The following NTNG1 variants were observed in gnomAD, a reference collection of about 807,000 sequenced individuals.
The protein encoded by NTNG1 is netrin G1, also known as netrin-G1.
NTNG1 carries 16 observed loss-of-function variants against 54.0 expected under a neutral mutation model. The observed-to-expected ratio is 0.30, with a 90% CI of 0.20 to 0.45. The LOEUF is 0.45. Ranked by LOEUF, NTNG1 falls within the 20% of genes least tolerant of loss-of-function variation. The pLI, the probability that NTNG1 is intolerant of heterozygous loss-of-function variation, is 1.00. For synonymous variants in NTNG1, 255 were observed against 263.1 expected (o/e 0.97, Z 0.30); for missense variants, 530 against 678.7 (o/e 0.78, Z 2.43).
intron 6 of NTNG1, among the ~76,000 whole-genome samples, chr1:107,433,702 T>TAAAAG (rs1327267592): frequency 6.6e-6 from 1 of 152,250 alleles, no homozygotes; most frequent in East Asian, 1.9e-4. Flanking sequence ...GTCTATCTTT[T>TAAAAG]ATCTGTAGTG....
chr1:107,369,314 A>G (rs1427673504), intron 3 of NTNG1, among the ~76,000 whole-genome samples: 1 of 152,176 alleles, frequency 6.6e-6, no homozygotes, highest in Non-Finnish European at 1.5e-5. Context: ...CTCTTTAAGA[A>G]ACTGTCAAAC....
intron 2 of NTNG1, among the ~76,000 whole-genome samples, chr1:107,261,881 A>G (rs1663371089): frequency 6.6e-6 from 1 of 152,192 alleles, no homozygotes; most frequent in African/African-American, 2.4e-5. Context: ...TAACAACTAT[A>G]TTATAAGACA....
chr1:107,233,476 C>T lies in NTNG1; in HGVS notation c.246+84637C>T, dbSNP rs574111211. Among the ~76,000 whole-genome samples the T allele has an allele frequency of 2.0e-5, 3 of 152,244 alleles. No individual in the cohort carries two copies. The East Asian group carries it at 5.8e-4, about 29-fold the overall frequency. On this transcript the variant is annotated intron_variant, in intron 2 of 7. Transcript: ENST00000370068. ...AAATGCAATGTGTACAATTTCAAAG[C>T]CCATCCTTAAATGAGCTTTACTGAG...
intron 2 of NTNG1, among the ~76,000 whole-genome samples, chr1:107,323,686 T>C (rs1473515355): frequency 6.6e-6 from 1 of 152,086 alleles, no homozygotes; most frequent in Non-Finnish European, 1.5e-5. Flanking sequence ...GGGTACCACA[T>C]TTTAATAATT....
chr1:107,272,454 G>A (rs938695006), intron 2 of NTNG1, among the ~76,000 whole-genome samples: 21 of 152,110 alleles, frequency 1.4e-4, no homozygotes, highest in Non-Finnish European at 2.1e-4. Flanking sequence ...TAATAAATGA[G>A]CATCTTAGAA....
intron 3 of NTNG1, among the ~76,000 whole-genome samples, chr1:107,360,962 G>T (rs1000567081): frequency 1.3e-5 from 2 of 151,650 alleles, no homozygotes; most frequent in African/African-American, 4.8e-5. Flanking sequence ...ACATAAATCT[G>T]CTTCTCGTGT....
At chr1:107,319,290 G>A (rs1373225960) in intron 2 of NTNG1, among the ~76,000 whole-genome samples, 2 of 152,102 alleles carry the variant, frequency 1.3e-5, no homozygotes, top group African/African-American at 4.8e-5. Flanking sequence ...GTGGCAAAAA[G>A]GAACTGGGAT....
intron 2 of NTNG1, among the ~76,000 whole-genome samples, chr1:107,181,245 TAG>T (rs57630188): frequency 0.015 from 2,282 of 152,254 alleles, 60 homozygotes; most frequent in African/African-American, 0.051. Flanking sequence ...CTTAGAAAAC[TAG>T]AGACAATGAC....
intron 2 of NTNG1, among the ~76,000 whole-genome samples, chr1:107,293,074 T>G (rs1472267861): frequency 6.6e-6 from 1 of 152,134 alleles, no homozygotes; most frequent in Admixed American, 6.5e-5. Flanking sequence ...CTATAAGTAT[T>G]AACAGCTTTT....
chr1:107,224,167 G>C (rs914974370), intron 2 of NTNG1, among the ~76,000 whole-genome samples: 1 of 152,048 alleles, frequency 6.6e-6, no homozygotes, highest in East Asian at 1.9e-4. Context: ...ATGCAAGAGA[G>C]GATGAATGGA....
chr1:107,148,958 T>G, intron 2 of NTNG1, 119 bp downstream of exon 2: 1 of 1,013,350 alleles, frequency 9.9e-7, no homozygotes, highest in Non-Finnish European at 1.5e-6. Context: ...GGTGGCAGAT[T>G]TGTGTTAACA....
At chr1:107,188,079 T>C (rs1232250816) in intron 2 of NTNG1, among the ~76,000 whole-genome samples, 6 of 152,064 alleles carry the variant, frequency 3.9e-5, no homozygotes, top group African/African-American at 1.2e-4. Flanking sequence ...TTGACAACTA[T>C]GTGCCACTCA....
At chr1:107,210,049 C>T (rs1659500214) in intron 2 of NTNG1, among the ~76,000 whole-genome samples, 1 of 152,014 alleles carries the variant, frequency 6.6e-6, no homozygotes, top group Non-Finnish European at 1.5e-5. Flanking sequence ...AGGAGCATCA[C>T]AGAAAGGGGA....
rs562819774 is a variant in NTNG1, at chr1:107,214,927, A to T, written c.246+66088A>T. On this transcript the variant is annotated intron_variant, in intron 2 of 7. Transcript: ENST00000370068. ...ATATTTTTTTTGGCCATTTGTATAT[A>T]TTTTTTTGATAATTGTCTATTTTGT... Among the ~76,000 whole-genome samples, 30 of 151,380 alleles carry T rather than the reference A, an allele frequency of 2.0e-4. 1 individual carries two copies. The highest frequency in any genetic ancestry group is 7.3e-4 in the African/African-American group (30 of 41,274).
intron 4 of NTNG1, among the ~76,000 whole-genome samples, chr1:107,407,260 T>A (rs1673487534): frequency 6.6e-6 from 1 of 152,180 alleles, no homozygotes; most frequent in Non-Finnish European, 1.5e-5. Flanking sequence ...CATATGTGAA[T>A]ATATTTGCAC....
rs192126989 is a variant in NTNG1 at position 107,418,793 on chromosome 1, G to A, written c.1087+11085G>A. ...ATTCAATCTTTTTTTCTAATATGAAGAGTGTCCCAAAAATATTAGAGTGAA... is the reference window on the plus strand; with the variant it reads ...ATTCAATCTTTTTTTCTAATATGAAAAGTGTCCCAAAAATATTAGAGTGAA... On this transcript the variant is annotated intron_variant, in intron 5 of 7. Coordinates refer to ENST00000370068, the MANE Select transcript of NTNG1 (RefSeq NM_001113226.3). 82 of 596,580 alleles carry A rather than the reference G, an allele frequency of 1.4e-4. No homozygotes were observed. The African/African-American group carries it at 1.4e-3, about 11-fold the overall frequency. The allele number at this position is 596,580 out of a possible 1,614,324, so 37.0% of individuals were successfully genotyped here.
chr1:107,434,592 A>G (rs1462746344), intron 6 of NTNG1, among the ~76,000 whole-genome samples: 1 of 152,182 alleles, frequency 6.6e-6, no homozygotes, highest in Non-Finnish European at 1.5e-5. Context: ...TAAAATTATG[A>G]TGTATAATTT....
At chr1:107,381,792 T>G (rs1393943230) in intron 3 of NTNG1, among the ~76,000 whole-genome samples, 1 of 152,226 alleles carries the variant, frequency 6.6e-6, no homozygotes, top group Non-Finnish European at 1.5e-5. Context: ...ATGGGCTACA[T>G]AAAGTCATCA....
intron 6 of NTNG1, among the ~76,000 whole-genome samples, chr1:107,431,629 C>G (rs773977943): frequency 1.3e-5 from 2 of 152,144 alleles, no homozygotes; most frequent in African/African-American, 2.4e-5. Flanking sequence ...GGACCAGGCA[C>G]CTTTCCCACC....
Sources: gnomAD v4.1 joint callset for allele counts (sites outside exome capture counted in the v4.1 genomes callset) on GRCh38, gnomAD v4.1.1 for gene constraint, MANE v1.5 for transcripts, NCBI Gene and HGNC (gene_info 2026-07-23, HGNC 2026-07-21) for gene names.